ABLIM1: variants seen among roughly 807,000 people sequenced by gnomAD.
ABLIM1 encodes the protein actin binding LIM protein 1.
ABLIM1 carries 40 observed loss-of-function variants against 107.0 expected under a neutral mutation model. The observed-to-expected ratio is 0.37, with a 90% CI of 0.29 to 0.49. ABLIM1 has a LOEUF of 0.49. ABLIM1 is among the 20% of genes least tolerant of loss of function. The pLI, the probability that ABLIM1 is intolerant of heterozygous loss-of-function variation, is 0.97. For missense variants in ABLIM1, 857 were observed against 1,008.5 expected (o/e 0.85, Z 2.04); for synonymous variants, 357 against 357.3 (o/e 1.00, Z 0.01).
At chr10:114,685,638 G>A (rs1224271683), upstream of ABLIM1, among the ~76,000 whole-genome samples, 3 of 152,188 alleles carry the variant, frequency 2.0e-5, no homozygotes, top group African/African-American at 7.2e-5. Context: ...GTAGCACCAG[G>A]CGCCAGACAA....
intron 6 of ABLIM1, among the ~76,000 whole-genome samples, chr10:114,541,135 A>G (rs867736): frequency 0.78 from 117,861 of 152,032 alleles, 46,282 homozygotes; most frequent in African/African-American, 0.91. Context: ...CAAGCAACAC[A>G]CAGAGCCATC....
At chr10:114,470,339 C>T (rs2066232060) in intron 10 of ABLIM1, among the ~76,000 whole-genome samples, 1 of 146,678 alleles carries the variant, frequency 6.8e-6, no homozygotes, top group African/African-American at 2.5e-5. Context: ...AGCAGAACTG[C>T]TTGAACCTGG....
In ABLIM1 at chr10:114,465,796, T is replaced by C. The variant is rs1661779234; in HGVS notation, c.1343A>G (p.His448Arg). The C allele has an allele frequency of 6.2e-7, 1 of 1,614,052 alleles. No individual in the cohort carries two copies. The highest frequency in any genetic ancestry group is 8.5e-7 in the Non-Finnish European group (1 of 1,180,024). Reference sequence around the variant, plus strand: ...GATGGAGCCCTGGCTCGTGGACCGATGGATCATCCGATCCCGAACATCCTG... The same window carrying C: ...GATGGAGCCCTGGCTCGTGGACCGACGGATCATCCGATCCCGAACATCCTG... ...GYQDVRDRMI[H>R]RSTSQGSINS... Residue 448 changes from histidine to arginine, a missense_variant, in exon 12 of 23, where the codon CAT (histidine) becomes CGT (arginine). Around this residue, in one of 5 missense-constraint regions of ABLIM1, gnomAD observed 381 missense variants for 506.9 expected, o/e 0.75. Coordinates refer to ENST00000533213, the MANE Select transcript of ABLIM1 (RefSeq NM_002313.7).
intron 1 of ABLIM1, among the ~76,000 whole-genome samples, chr10:114,605,227 T>A (rs1229241296): frequency 6.6e-6 from 1 of 152,238 alleles, no homozygotes; most frequent in Admixed American, 6.5e-5. Context: ...TATCTCTCCT[T>A]TTCCAAAACG....
rs1267426180 is a variant in ABLIM1, at chr10:114,465,820, T to C, written c.1319A>G (p.Gln440Arg). ...ATGGATCATCCGATCCCGAACATCC[T>C]GGTACCCCTGGAAACAAAGTTCAAC... The part of the protein sequence containing the change: ...LSPTPSAEGY[Q>R]DVRDRMIHRS... Residue 440 changes from glutamine (Q) to arginine (R), a missense_variant, in exon 12 of 23, where the codon CAG becomes CGG. Around this residue, in one of 5 missense-constraint regions of ABLIM1, gnomAD observed 381 missense variants for 506.9 expected, o/e 0.75. Transcript: ENST00000533213. The C allele has an allele frequency of 6.2e-7, 1 of 1,614,012 alleles. No individual in the cohort carries two copies. Among genetic ancestry groups the C allele is most frequent in the African/African-American group, 1.3e-5 (1 of 74,912 alleles).
At chr10:114,765,372 AT>A (rs67434149) in intron 1 of ABLIM1, among the ~76,000 whole-genome samples, 53,025 of 145,464 alleles carry the variant, frequency 0.36, 9,875 homozygotes, top group Non-Finnish European at 0.45. Flanking sequence ...AAAAAAAAAA[AT>A]ATTCTATTAT....
In ABLIM1 at chr10:114,464,862, C is replaced by T. The variant is rs186197266; in HGVS notation, c.1441+836G>A. On this transcript the variant is annotated intron_variant, in intron 12 of 22. Coordinates refer to ENST00000533213, the MANE Select transcript of ABLIM1 (RefSeq NM_002313.7). ...GCTTAACATGAAGTCTTCACAGACGCGCACTGTCACCATTAAGTTTTATTA... is the reference window on the plus strand; with the variant it reads ...GCTTAACATGAAGTCTTCACAGACGTGCACTGTCACCATTAAGTTTTATTA... Among the ~76,000 whole-genome samples, 74 of 152,262 alleles carry T rather than the reference C, an allele frequency of 4.9e-4. 1 individual carries two copies. The highest frequency in any genetic ancestry group is 4.4e-3 in the East Asian group (23 of 5,180).
intron 10 of ABLIM1, among the ~76,000 whole-genome samples, chr10:114,470,583 A>AG (rs1413173693): frequency 6.6e-6 from 1 of 152,226 alleles, no homozygotes; most frequent in East Asian, 1.9e-4. Flanking sequence ...TTCTGATCCC[A>AG]GGGGCACCCT....
chr10:114,473,212 T>A, intron 9 of ABLIM1, 80 bp from the exon 10 acceptor site: 1 of 1,432,366 alleles, frequency 7.0e-7, no homozygotes, highest in Non-Finnish European at 9.4e-7. Context: ...TTTCCTGTTG[T>A]TTAAAAAGTG....
At chr10:114,457,897 C>A (rs998165666) in intron 12 of ABLIM1, among the ~76,000 whole-genome samples, 1 of 152,102 alleles carries the variant, frequency 6.6e-6, no homozygotes, top group Non-Finnish European at 1.5e-5. Flanking sequence ...CATGGTGAAA[C>A]CCTGTCTCTT....
intron 1 of ABLIM1, among the ~76,000 whole-genome samples, chr10:114,641,247 T>TAAAAAAAAAAAAAAAA (rs35168530): frequency 5.4e-5 from 2 of 37,060 alleles, no homozygotes; most frequent in Non-Finnish European, 5.6e-5. Context: ...AAGCCAATCA[T>TAAAAAAAAAAAAAAAA]AAAAAAAAAA....
At chr10:114,554,664 T>C (rs2483537) in intron 4 of ABLIM1, among the ~76,000 whole-genome samples, 56,475 of 152,050 alleles carry the variant, frequency 0.37, 13,833 homozygotes, top group African/African-American at 0.7. Context: ...CTATTGCACT[T>C]CAGCCTGGGT....
intron 1 of ABLIM1, among the ~76,000 whole-genome samples, chr10:114,767,381 T>C (rs890533367): frequency 6.6e-6 from 1 of 152,190 alleles, no homozygotes; most frequent in African/African-American, 2.4e-5. Flanking sequence ...TTGATCTCTT[T>C]AATATTTCAC....
chr10:114,644,306 A>AAAAAATATATAT (rs1408072252), intron 1 of ABLIM1, among the ~76,000 whole-genome samples: 12 of 52,254 alleles, frequency 2.3e-4, no homozygotes, highest in Non-Finnish European at 3.1e-4. Flanking sequence ...AAAAAAAAAA[A>AAAAAATATATAT]ATATATATAT....
intron 6 of ABLIM1, among the ~76,000 whole-genome samples, chr10:114,518,535 G>A (rs2063254444): frequency 1.3e-5 from 2 of 151,858 alleles, no homozygotes; most frequent in African/African-American, 4.8e-5. Context: ...GGGAGTAAGT[G>A]GAGAATGTTT....
In ABLIM1 at chr10:114,512,895, GGAAGGAAGGAAGGAAA is replaced by G. The variant is rs1565725783; in HGVS notation, c.895-21033_895-21018del. Among the ~76,000 whole-genome samples, 410 of 148,476 alleles carry G rather than the reference GGAAGGAAGGAAGGAAA, an allele frequency of 2.8e-3. 5 individuals are homozygous for G. The highest frequency in any genetic ancestry group is 0.01 in the African/African-American group (400 of 39,668). On this transcript the variant is annotated intron_variant, in intron 6 of 22. Transcript: ENST00000533213. ...AGGAAGGAAGGAAGGAAGGAAGGAA[GGAAGGAAGGAAGGAAA>G]GAAAGAGAGAAAGAAAGAGAGAAAG...
chr10:114,646,390 ATG>A (rs2079013743), intron 1 of ABLIM1, among the ~76,000 whole-genome samples: 1 of 152,214 alleles, frequency 6.6e-6, no homozygotes, highest in Non-Finnish European at 1.5e-5. Context: ...AAACAAATGA[ATG>A]TTGACCCATT....
At chr10:114,532,941 T>G (rs1181193824) in intron 6 of ABLIM1, among the ~76,000 whole-genome samples, 3 of 152,186 alleles carry the variant, frequency 2.0e-5, no homozygotes, top group Admixed American at 6.5e-5. Flanking sequence ...AGTGGATTAG[T>G]AGGGTCAGTC....
chr10:114,568,800 G>C (rs1009742938), intron 4 of ABLIM1, among the ~76,000 whole-genome samples: 1 of 151,998 alleles, frequency 6.6e-6, no homozygotes, highest in African/African-American at 2.4e-5. Flanking sequence ...AAGCAATGAT[G>C]GTTAAATATA....
Sources: allele counts gnomAD v4.1 joint callset (sites outside exome capture counted in the v4.1 genomes callset), GRCh38; gene constraint gnomAD v4.1.1; regional missense constraint gnomAD v4.1.1; transcripts MANE v1.5; gene names NCBI Gene and HGNC (gene_info 2026-07-23, HGNC 2026-07-21).